RAB38: variants seen among roughly 807,000 people sequenced by gnomAD.
RAB38 encodes the protein ras-related protein Rab-38.
RAB38 carries 15 observed loss-of-function variants against 18.4 expected under a neutral mutation model. That is an observed-to-expected ratio of 0.82 (90% CI 0.55 to 1.26). The LOEUF is 1.26. Ranked by LOEUF, RAB38 falls within the 50% of genes most tolerant of loss-of-function variation. The pLI is 0.00. For synonymous variants in RAB38, 101 were observed against 104.4 expected (o/e 0.97, Z 0.20); for missense variants, 294 against 267.4 (o/e 1.10, Z -0.69).
At chr11:87,947,880 C>G in the RAB38 span, among the ~76,000 whole-genome samples, 3 of 152,160 alleles carry the variant, frequency 2.0e-5, no homozygotes, top group African/African-American at 7.2e-5. Context: ...AATGCAGTCT[C>G]TTTTTTGGTT....
chr11:87,915,965 C>T, the RAB38 span, among the ~76,000 whole-genome samples: 6 of 152,008 alleles, frequency 3.9e-5, no homozygotes, highest in Admixed American at 6.6e-5. Flanking sequence ...TTTTTATTTG[C>T]TTGGGGCCTG....
Position 88,165,048 on chromosome 11 carries a change from T to A in RAB38, c.202+10135A>T, listed in dbSNP as rs1450694041. Among the ~76,000 whole-genome samples, 3 of 152,160 alleles carry A rather than the reference T, an allele frequency of 2.0e-5. No homozygotes were observed. The East Asian group carries it at 5.8e-4, about 29-fold the overall frequency. Reference sequence around the variant, plus strand: ...ACCATATGGTGTCAGCAATGATGCATGCAAAAAATTCAACTCATTCAATAA... The same window carrying A: ...ACCATATGGTGTCAGCAATGATGCAAGCAAAAAATTCAACTCATTCAATAA... On this transcript the variant is annotated intron_variant, in intron 1 of 2. Transcript: ENST00000243662.
At chr11:87,915,487 A>T in the RAB38 span, among the ~76,000 whole-genome samples, 1 of 152,214 alleles carries the variant, frequency 6.6e-6, no homozygotes, top group African/African-American at 2.4e-5. Context: ...ATGCTAAAAG[A>T]CACTCCCACC....
chr11:87,826,016 A>C, the RAB38 span, among the ~76,000 whole-genome samples: 1 of 152,182 alleles, frequency 6.6e-6, no homozygotes, highest in Non-Finnish European at 1.5e-5. Flanking sequence ...AAGATGAAGA[A>C]AAATATTGGG....
the RAB38 span, among the ~76,000 whole-genome samples, chr11:87,898,425 G>T: frequency 6.6e-6 from 1 of 151,184 alleles, no homozygotes; most frequent in Non-Finnish European, 1.5e-5. Context: ...AAATCACTCA[G>T]AGAGTGTAAA....
At chr11:87,838,606 T>C in the RAB38 span, among the ~76,000 whole-genome samples, 3 of 152,210 alleles carry the variant, frequency 2.0e-5, no homozygotes, top group Admixed American at 2.0e-4. Context: ...GGTGGTCTTG[T>C]TGCCTTTATC....
intron 1 of RAB38, among the ~76,000 whole-genome samples, chr11:88,164,256 C>CGGCAGGGGGGG (rs1318397492): frequency 4.6e-5 from 5 of 109,064 alleles, no homozygotes; most frequent in Non-Finnish European, 8.3e-5. Flanking sequence ...AAGGTGCTCT[C>CGGCAGGGGGGG]GGTGGGGGGG....
At chr11:88,088,349 C>T in the RAB38 span, among the ~76,000 whole-genome samples, 1 of 151,872 alleles carries the variant, frequency 6.6e-6, no homozygotes, top group Non-Finnish European at 1.5e-5. Flanking sequence ...CCTGTAGGGA[C>T]TCATAAGAAA....
the RAB38 span, among the ~76,000 whole-genome samples, chr11:88,046,293 C>T: frequency 3.3e-5 from 5 of 152,194 alleles, no homozygotes; most frequent in East Asian, 9.6e-4. Context: ...TGTCCTAAAA[C>T]CAGACAAGCC....
chr11:88,063,577 G>A, the RAB38 span, among the ~76,000 whole-genome samples: 1 of 152,150 alleles, frequency 6.6e-6, no homozygotes, highest in Non-Finnish European at 1.5e-5. Context: ...GTGTCGATAT[G>A]GTTTGGCTCT....
At chr11:88,092,358 GAGAGAGAGAGAGAGAGAGAGA>G in the RAB38 span, among the ~76,000 whole-genome samples, 358 of 12,496 alleles carry the variant, frequency 0.029, 82 homozygotes, top group Non-Finnish European at 0.055. Flanking sequence ...GAGGGAGAGA[GAGAGAGAGAGAGAGAGAGAGA>G]GAGAGAGAGA....
chr11:88,167,837 A>C (rs563662824), intron 1 of RAB38: 1 of 152,330 alleles, frequency 6.6e-6, no homozygotes, highest in South Asian at 2.1e-4. Flanking sequence ...CCTAGAAGAT[A>C]AGGATCATCC....
chr11:88,006,239 G>C, the RAB38 span, among the ~76,000 whole-genome samples: 1 of 151,412 alleles, frequency 6.6e-6, no homozygotes, highest in Non-Finnish European at 1.5e-5. Context: ...CCTGACTCCA[G>C]TCAGAATGAC....
At chr11:88,058,874 G>A in the RAB38 span, among the ~76,000 whole-genome samples, 64 of 151,938 alleles carry the variant, frequency 4.2e-4, no homozygotes, top group Non-Finnish European at 4.4e-4. Context: ...CCTTTCTTTG[G>A]GCTTCCAAAA....
intron 1 of RAB38, among the ~76,000 whole-genome samples, chr11:88,160,486 A>G (rs903327048): frequency 3.3e-5 from 5 of 152,128 alleles, no homozygotes; most frequent in African/African-American, 7.2e-5. Context: ...TCTTTTGTAT[A>G]TATCCAAAAG....
intron 2 of RAB38, among the ~76,000 whole-genome samples, chr11:88,142,481 C>CCATG (rs1314736599): frequency 6.6e-6 from 1 of 152,120 alleles, no homozygotes; most frequent in Non-Finnish European, 1.5e-5. Context: ...TACAGCCAGC[C>CCATG]CATGGTGTCA....
Position 88,113,838 on chromosome 11 carries a change from A to T in RAB38, c.*150T>A. On this transcript the variant is annotated 3_prime_UTR_variant, in exon 3 of 3. Coordinates refer to ENST00000243662, the MANE Select transcript of RAB38 (RefSeq NM_022337.3). ...GGAAAGCATAGAAAGAACATTTGCT[A>T]TTTCTCTCTCACTGAAAAAACAGAG... 1 of 862,592 alleles carries T rather than the reference A, an allele frequency of 1.2e-6. No homozygotes were observed. Among genetic ancestry groups the T allele is most frequent in the African/African-American group, 1.7e-5 (1 of 59,352 alleles). 53.4% of individuals were successfully genotyped at this position (862,592 alleles called of 1,614,324 possible).
chr11:87,821,643 A>T, the RAB38 span, among the ~76,000 whole-genome samples: 5 of 151,972 alleles, frequency 3.3e-5, no homozygotes, highest in Admixed American at 2.6e-4. Context: ...TGAGGTCAGG[A>T]GTTTGAGACC....
the RAB38 span, among the ~76,000 whole-genome samples, chr11:87,849,103 G>A: frequency 2.0e-5 from 3 of 152,062 alleles, no homozygotes. Flanking sequence ...AAAGGGCCCT[G>A]ATAAACATGA....
Sources: allele counts gnomAD v4.1 joint callset (sites outside exome capture counted in the v4.1 genomes callset), GRCh38; gene constraint gnomAD v4.1.1; transcripts MANE v1.5; gene names NCBI Gene and HGNC (gene_info 2026-07-23, HGNC 2026-07-21).